The following ANKDD1A variants were observed in gnomAD, a reference collection of about 807,000 sequenced individuals.
ANKDD1A encodes ankyrin repeat and death domain-containing protein 1A.
A neutral mutation model predicts 63.5 loss-of-function variants in ANKDD1A; 59 were observed. The ratio of observed to expected loss-of-function variants is 0.93; its 90% CI spans 0.75 to 1.15. The LOEUF is 1.15. Among genes scored for constraint, ANKDD1A ranks in the 50% most tolerant of loss-of-function variants. The probability of loss-of-function intolerance (pLI) is 0.00; values close to 1 mark genes in which losing one functional copy is unlikely to be tolerated. For synonymous variants in ANKDD1A, 266 were observed against 263.9 expected (o/e 1.01, Z -0.08); for missense variants, 632 against 656.4 (o/e 0.96, Z 0.41).
In ANKDD1A at chr15:64,931,575, C is replaced by T. The variant is rs2085091699; in HGVS notation, c.758C>T (p.Ala253Val). ...CTCAGGGCTGGGAGCACCGTGAATG[C>T]CCTCACCCAGGTAGCCAGGCCCTCC... The part of the protein sequence containing the change: ...LLLRAGSTVN[A>V]LTQKNLSCLH... The change falls in exon 8 of 15, where the codon GCC becomes GTC. Residue 253 changes from alanine to valine, a missense_variant. Coordinates refer to ENST00000319580, the MANE Select transcript of ANKDD1A (RefSeq NM_182703.6). The T allele has an allele frequency of 6.2e-7, 1 of 1,613,890 alleles. No individual in the cohort carries two copies. The highest frequency in any genetic ancestry group is 1.1e-5 in the South Asian group (1 of 91,080).
At chr15:64,950,136 C>T (rs927184128) in intron 14 of ANKDD1A, 164 bp downstream of exon 14, 1 of 985,308 alleles carries the variant, frequency 1.0e-6, no homozygotes, top group African/African-American at 1.7e-5. Flanking sequence ...GGGCAAACTA[C>T]AGTGCCTCCT....
chr15:64,925,390 G>A (rs758460694), intron 4 of ANKDD1A, among the ~76,000 whole-genome samples: 3 of 152,104 alleles, frequency 2.0e-5, no homozygotes, highest in Non-Finnish European at 4.4e-5. Context: ...CAAGGCAGGA[G>A]TAGAAGCTCT....
In ANKDD1A at chr15:64,949,863, C is replaced by CCAGGAGTTCTCA; in HGVS notation, c.1374_1375insCAGGAGTTCTCA (p.His458_Gly459insGlnGluPheSer). ...CAGGCACCAGGAGCTATCAGGAGCACGGCCACCGAATGCTGCTCATTTGGC... is the reference window on the plus strand; with the variant it reads ...CAGGCACCAGGAGCTATCAGGAGCACCAGGAGTTCTCAGGCCACCGAATGCTGCTCATTTGGC... On this transcript the variant is annotated inframe_insertion, in exon 14 of 15. Coordinates refer to ENST00000319580, the MANE Select transcript of ANKDD1A (RefSeq NM_182703.6). 1 of 1,603,070 alleles carries CCAGGAGTTCTCA rather than the reference C, an allele frequency of 6.2e-7. No individual in the cohort carries two copies.
At position 64,922,194 on chromosome 15, in the gene ANKDD1A, G is replaced by A. The variant is rs1197131575; in HGVS notation, c.366+175G>A. 6.7e-6 allele frequency: 4 copies of A among 596,202 alleles called. No individual in the cohort carries two copies. The African/African-American group carries it at 7.5e-5, about 11-fold the overall frequency. The allele number at this position is 596,202 out of a possible 1,614,324, so 36.9% of individuals were successfully genotyped here. A position where few individuals can be genotyped will look rare whatever the true frequency, so the allele number is the denominator to read the frequency against. On this transcript the variant is annotated intron_variant, in intron 4 of 14. Coordinates refer to ENST00000319580, the MANE Select transcript of ANKDD1A (RefSeq NM_182703.6). ...CCCTTTACTATTCGGTGAGTTGGGA[G>A]AGTTCCCAGCCCTCTGGCTGGCCTC... is the stretch of plus-strand genomic sequence containing the variant.
At chr15:64,938,244 G>A (rs2085151266) in intron 9 of ANKDD1A, among the ~76,000 whole-genome samples, 1 of 152,144 alleles carries the variant, frequency 6.6e-6, no homozygotes, top group Non-Finnish European at 1.5e-5. Flanking sequence ...TTAAGTACAG[G>A]CTGTGCATAG....
chr15:64,930,693 T>G, intron 6 of ANKDD1A, 129 bp from the exon 7 acceptor site: 2 of 779,100 alleles, frequency 2.6e-6, no homozygotes, highest in Non-Finnish European at 4.1e-6. Flanking sequence ...TGCCCCTGGT[T>G]ATAGTTTTTG....
intron 2 of ANKDD1A, 94 bp downstream of exon 2, chr15:64,915,994 G>T: frequency 4.9e-6 from 6 of 1,216,798 alleles, no homozygotes; most frequent in Non-Finnish European, 6.9e-6. Flanking sequence ...CTAGAGGCAG[G>T]CACATTTGCA....
Position 64,957,984 on chromosome 15 carries a change from G to C in ANKDD1A, c.*796G>C, listed in dbSNP as rs2140396675. On this transcript the variant is annotated 3_prime_UTR_variant, in exon 15 of 15. Transcript: ENST00000319580. ...TGGGGTAGTAGGATAATGGGGAACA[G>C]TGGGGCTGGGACCGGGTGGGAGAAA... The C allele has an allele frequency of 6.6e-6, 1 of 152,438 alleles. No homozygotes were observed. Among genetic ancestry groups the C allele is most frequent in the African/African-American group, 2.4e-5 (1 of 41,584 alleles). The allele number at this position is 152,438 out of a possible 1,614,324, so 9.4% of individuals were successfully genotyped here.
At chr15:64,931,609 C>T (rs369443286) in intron 8 of ANKDD1A, 24 bp downstream of exon 8, 11 of 1,610,158 alleles carry the variant, frequency 6.8e-6, no homozygotes, top group Non-Finnish European at 8.5e-6. Context: ...CCCAAGACTG[C>T]GGTCGGCTCT....
chr15:64,950,660 C>G, intron 14 of ANKDD1A: 1 of 984,966 alleles, frequency 1.0e-6, no homozygotes, highest in Non-Finnish European at 1.2e-6. Flanking sequence ...GAAAACCACT[C>G]CTGACATATT....
intron 6 of ANKDD1A, among the ~76,000 whole-genome samples, chr15:64,928,172 C>T (rs2085061910): frequency 6.6e-6 from 1 of 152,212 alleles, no homozygotes; most frequent in Admixed American, 6.5e-5. Flanking sequence ...GATTTGGAAG[C>T]AGCATCCTAA....
intron 12 of ANKDD1A, among the ~76,000 whole-genome samples, chr15:64,945,436 A>G (rs1240666267): frequency 1.3e-5 from 2 of 151,736 alleles, no homozygotes; most frequent in African/African-American, 4.8e-5. Context: ...TTTCACTTCA[A>G]TATAGTATTC....
chr15:64,930,560 G>T (rs7168200), intron 6 of ANKDD1A, among the ~76,000 whole-genome samples: 81,556 of 152,048 alleles, frequency 0.54, 23,204 homozygotes, highest in South Asian at 0.77. Flanking sequence ...GGATCTGGGG[G>T]ACATGAGGAG....
chr15:64,938,569 CCAGCA>C (rs763814435), intron 9 of ANKDD1A, among the ~76,000 whole-genome samples: 10 of 152,162 alleles, frequency 6.6e-5, no homozygotes, highest in Non-Finnish European at 1.2e-4. Flanking sequence ...GTCTGAGAAA[CCAGCA>C]CAGCCAAGAG....
At chr15:64,953,799 TTCC>T (rs1436929250) in intron 14 of ANKDD1A, among the ~76,000 whole-genome samples, 66 of 131,856 alleles carry the variant, frequency 5.0e-4, no homozygotes, top group Non-Finnish European at 6.5e-4. Context: ...TGCTTTCTTC[TTCC>T]TTTTTTTCTT....
chr15:64,949,957 A>AG lies in ANKDD1A; in HGVS notation c.1470dup (p.Arg491GlufsTer93). The AG allele has an allele frequency of 6.2e-7, 1 of 1,610,136 alleles. No homozygotes were observed. The highest frequency in any genetic ancestry group is 1.1e-5 in the South Asian group (1 of 91,076). ...GTTCGAGGGCCTCGTGGCCATTGGC[A>AG]GGAGGGACCTGGCTGGTAAGAGCGT... On this transcript the variant is annotated frameshift_variant, in exon 14 of 15. Transcript: ENST00000319580. LOFTEE classifies it high-confidence loss of function.
At position 64,931,501 on chromosome 15, in the gene ANKDD1A, C is replaced by T; in HGVS notation, c.684C>T (p.Ala228=). The T allele has an allele frequency of 1.9e-6, 3 of 1,613,798 alleles. 1 individual carries two copies. In the South Asian group the frequency reaches 3.3e-5, roughly 18 times the overall value. ...GTGTGTTGCAGGAAGGTCTGACTGCCCTGCATTCGGCTGCTGGAGGATCCC... is the reference window on the plus strand; with the variant it reads ...GTGTGTTGCAGGAAGGTCTGACTGCTCTGCATTCGGCTGCTGGAGGATCCC... ...LEEQNAEGLT[A]LHSAAGGSHP... is the part of the protein sequence containing the mutation. Residue 228 remains alanine, a synonymous_variant, in exon 8 of 15, where the codon GCC becomes GCT. Coordinates refer to ENST00000319580, the MANE Select transcript of ANKDD1A (RefSeq NM_182703.6).
chr15:64,926,942 G>C lies in ANKDD1A; in HGVS notation c.513G>C (p.Gln171His). The C allele has an allele frequency of 1.2e-6, 2 of 1,614,232 alleles. No individual in the cohort carries two copies. Among genetic ancestry groups the C allele is most frequent in the Non-Finnish European group, 1.7e-6 (2 of 1,180,048 alleles). The change falls in exon 6 of 15, where the codon CAG becomes CAC. Residue 171 changes from glutamine to histidine, a missense_variant. Transcript: ENST00000319580. ...TAFHRAAEHG[Q>H]LDALDFLVGS... ...TTCACAGGGCAGCTGAGCACGGGCA[G>C]CTGGATGCTCTGGACTTCCTCGTGG...
At chr15:64,946,444 A>T (rs2085223752) in intron 12 of ANKDD1A, among the ~76,000 whole-genome samples, 1 of 152,204 alleles carries the variant, frequency 6.6e-6, no homozygotes, top group South Asian at 2.1e-4. Flanking sequence ...CCCTTTACAT[A>T]CAACAGATTA....
Sources: allele counts gnomAD v4.1 joint callset (sites outside exome capture counted in the v4.1 genomes callset), GRCh38; gene constraint gnomAD v4.1.1; transcripts MANE v1.5; gene names NCBI Gene and HGNC (gene_info 2026-07-23, HGNC 2026-07-21).